Variants in SLC2A4RG observed in about 807,000 individuals in gnomAD.
The protein encoded by SLC2A4RG is GLUT4 enhancer factor.
A neutral mutation model predicts 35.5 loss-of-function variants in SLC2A4RG; 23 were observed. The observed-to-expected ratio is 0.65, with a 90% CI of 0.47 to 0.92. The LOEUF (loss-of-function observed/expected upper bound fraction) is 0.92, where lower values mean the gene tolerates loss of function less well. SLC2A4RG is among the 40% of genes least tolerant of loss of function. The pLI, the probability that SLC2A4RG is intolerant of heterozygous loss-of-function variation, is 0.00. For missense variants in SLC2A4RG, 539 were observed against 525.0 expected (o/e 1.03, Z -0.26); for synonymous variants, 306 against 243.7 (o/e 1.26, Z -2.38).
At chr20:63,740,648 A>C in intron 2 of SLC2A4RG, 117 bp downstream of exon 2, 1 of 1,032,912 alleles carries the variant, frequency 9.7e-7, no homozygotes, top group Non-Finnish European at 1.2e-6. Context: ...ATTACCAGCC[A>C]CCCCCAAGCT....
rs756065083 is a variant in SLC2A4RG, at chr20:63,743,026, T to C, written c.*36T>C. On this transcript the variant is annotated 3_prime_UTR_variant, in exon 8 of 8. Transcript: ENST00000266077. ...TTCAAGAACATAAGCTACCACCTTCTCCCTCCCCACCCCCTCCAGGCCCGG... is the reference window on the plus strand; with the variant it reads ...TTCAAGAACATAAGCTACCACCTTCCCCCTCCCCACCCCCTCCAGGCCCGG... 13 of 1,388,246 alleles carry C rather than the reference T, an allele frequency of 9.4e-6. No individual in the cohort carries two copies. The highest frequency in any genetic ancestry group is 1.2e-5 in the Non-Finnish European group (13 of 1,042,034). 86.0% of individuals were successfully genotyped at this position (1,388,246 alleles called of 1,614,324 possible). A position where few individuals can be genotyped will look rare whatever the true frequency, so the allele number is the denominator to read the frequency against.
At chr20:63,741,220 C>A in intron 2 of SLC2A4RG, 150 bp from the exon 3 acceptor site, 1 of 705,434 alleles carries the variant, frequency 1.4e-6, no homozygotes, top group South Asian at 1.8e-5. Flanking sequence ...CTCTCTGCAA[C>A]CTGAGCTGGG....
In SLC2A4RG at chr20:63,741,495, C is replaced by T. The variant is rs1278393756; in HGVS notation, c.391+16C>T. The T allele has an allele frequency of 6.2e-7, 1 of 1,607,096 alleles. No individual in the cohort carries two copies. Among genetic ancestry groups the T allele is most frequent in the Non-Finnish European group, 8.5e-7 (1 of 1,174,936 alleles). ...TTCAGCCCAGGTAAGACTCAGATGTCTGCATTTAGGGGTGTGGGTGGGGAC... is the reference window on the plus strand; with the variant it reads ...TTCAGCCCAGGTAAGACTCAGATGTTTGCATTTAGGGGTGTGGGTGGGGAC... On this transcript the variant is annotated intron_variant, in intron 3 of 7. Transcript: ENST00000266077.
Position 63,742,124 on chromosome 20 carries a change from C to G in SLC2A4RG, c.580-6C>G. On this transcript the variant is annotated splice_polypyrimidine_tract_variant and splice_region_variant and intron_variant, in intron 4 of 7. Coordinates refer to ENST00000266077, the MANE Select transcript of SLC2A4RG (RefSeq NM_020062.4). ...CTGAGCCTGACCCTGGCCCCTGTTG[C>G]TGCAGAGCCCGGCCCAGGTCATGTT... The G allele has an allele frequency of 6.2e-7, 1 of 1,603,600 alleles. No homozygotes were observed. Among genetic ancestry groups the G allele is most frequent in the Non-Finnish European group, 8.5e-7 (1 of 1,175,686 alleles).
At position 63,741,391 on chromosome 20, in the gene SLC2A4RG, G is replaced by C; in HGVS notation, c.303G>C (p.Arg101=). 1.9e-6 allele frequency: 3 copies of C among 1,613,148 alleles called. No homozygotes were observed. The highest frequency in any genetic ancestry group is 2.5e-6 in the Non-Finnish European group (3 of 1,179,938). Residue 101 remains arginine, a synonymous_variant, in exon 3 of 8, where the codon CGG becomes CGC. Coordinates refer to ENST00000266077, the MANE Select transcript of SLC2A4RG (RefSeq NM_020062.4). The stretch of plus-strand genomic sequence containing the variant: ...CCAGAGCCACCCCAGGAAAAGCCCG[G>C]CTGGACGAGGTCATGGCTGCCGCTG... ...PAQRATPGKA[R]LDEVMAAAAL... is the part of the protein sequence containing the mutation.
At chr20:63,742,648 G>A in intron 6 of SLC2A4RG, 33 bp downstream of exon 6, 2 of 1,582,074 alleles carry the variant, frequency 1.3e-6, no homozygotes, top group South Asian at 1.1e-5. Context: ...GCTGGGGCGG[G>A]TCTCAGGGCT....
In SLC2A4RG at chr20:63,743,052, G is replaced by A. The variant is rs2092052753; in HGVS notation, c.*62G>A. 1 of 1,308,018 alleles carries A rather than the reference G, an allele frequency of 7.6e-7. No individual in the cohort carries two copies. Among genetic ancestry groups the A allele is most frequent in the South Asian group, 1.4e-5 (1 of 72,980 alleles). 81.0% of individuals were successfully genotyped at this position (1,308,018 alleles called of 1,614,324 possible). On this transcript the variant is annotated 3_prime_UTR_variant, in exon 8 of 8. Coordinates refer to ENST00000266077, the MANE Select transcript of SLC2A4RG (RefSeq NM_020062.4). Reference sequence around the variant, plus strand: ...CCCTCCCCACCCCCTCCAGGCCCGGGGCTGAAACAGCCCGAGGACAGCCCC... The same window carrying A: ...CCCTCCCCACCCCCTCCAGGCCCGGAGCTGAAACAGCCCGAGGACAGCCCC...
intron 2 of SLC2A4RG, among the ~76,000 whole-genome samples, chr20:63,740,957 C>G (rs980757802): frequency 6.6e-6 from 1 of 152,184 alleles, no homozygotes; most frequent in African/African-American, 2.4e-5. Context: ...CCAGTCTCCC[C>G]CTGGCTGCTG....
At chr20:63,741,627 G>A (rs2092041876) in intron 3 of SLC2A4RG, 148 bp downstream of exon 3, 4 of 1,117,542 alleles carry the variant, frequency 3.6e-6, no homozygotes, top group Non-Finnish European at 5.0e-6. Flanking sequence ...CCCCTACTGA[G>A]GCCAAAGCGG....
chr20:63,739,792 G>C lies in SLC2A4RG; in HGVS notation c.-121G>C. 2.1e-6 allele frequency: 2 copies of C among 957,032 alleles called. No homozygotes were observed. Among genetic ancestry groups the C allele is most frequent in the Non-Finnish European group, 2.5e-6 (2 of 808,956 alleles). 59.3% of individuals were successfully genotyped at this position (957,032 alleles called of 1,614,324 possible). ...GGGCCGGGCAGCCTCCGGGCGGCGCGGCGCGGGCGGCGGCCGGATCCAGGG... is the reference window on the plus strand; with the variant it reads ...GGGCCGGGCAGCCTCCGGGCGGCGCCGCGCGGGCGGCGGCCGGATCCAGGG... On this transcript the variant is annotated 5_prime_UTR_variant, in exon 1 of 8. Transcript: ENST00000266077.
At position 63,741,479 on chromosome 20, in the gene SLC2A4RG, G is replaced by A. The variant is rs981267525; in HGVS notation, c.391G>A (p.Glu131Lys). The stretch of plus-strand genomic sequence containing the variant: ...GGCCCCGGTTGCAGCCTTCAGCCCA[G>A]GTAAGACTCAGATGTCTGCATTTAG... ...LGAPVAAFSP[E>K]PGLEPWKEAL... Residue 131 changes from glutamate (E) to lysine (K), a missense_variant and splice_region_variant, in exon 3 of 8, where the codon GAG becomes AAG. Coordinates refer to ENST00000266077, the MANE Select transcript of SLC2A4RG (RefSeq NM_020062.4). 6.2e-7 allele frequency: 1 copy of A among 1,612,580 alleles called. No homozygotes were observed. Among genetic ancestry groups the A allele is most frequent in the South Asian group, 1.1e-5 (1 of 90,982 alleles).
At position 63,742,677 on chromosome 20, in the gene SLC2A4RG, C is replaced by G. The variant is rs769490390; in HGVS notation, c.961-22C>G. The stretch of plus-strand genomic sequence containing the variant: ...CAGGGCTCTCTGGAGGGGAGTGAAG[C>G]CCTGGCTGTGTCTCCCTGTAGGGCT... On this transcript the variant is annotated intron_variant, in intron 6 of 7. Transcript: ENST00000266077. The G allele has an allele frequency of 3.1e-6, 5 of 1,596,010 alleles. No homozygotes were observed. In the South Asian group the frequency reaches 5.6e-5, roughly 18 times the overall value.
chr20:63,741,127 G>A (rs1167704752), intron 2 of SLC2A4RG: 2 of 552,536 alleles, frequency 3.6e-6, no homozygotes, highest in South Asian at 2.0e-5. Context: ...AGGAACCACA[G>A]TGGAGCCAAG....
At chr20:63,740,823 C>T (rs2092037739) in intron 2 of SLC2A4RG, among the ~76,000 whole-genome samples, 1 of 152,186 alleles carries the variant, frequency 6.6e-6, no homozygotes, top group Non-Finnish European at 1.5e-5. Flanking sequence ...GTCCAGGAAT[C>T]CCTGGGGCTC....
At chr20:63,740,295 C>T in intron 1 of SLC2A4RG, 82 bp from the exon 2 acceptor site, 1 of 964,132 alleles carries the variant, frequency 1.0e-6, no homozygotes, top group East Asian at 3.5e-5. Context: ...AGGCGGGCGC[C>T]GAGCGGATCC....
rs1226000308 is a variant in SLC2A4RG, at chr20:63,743,168, G to C, written c.*178G>C. 1.8e-6 allele frequency: 1 copy of C among 568,714 alleles called. No individual in the cohort carries two copies. The highest frequency in any genetic ancestry group is 2.2e-5 in the South Asian group (1 of 45,716). 35.2% of individuals were successfully genotyped at this position (568,714 alleles called of 1,614,324 possible). ...GAACCCTCCCCCCCGCCAGGTCGGG[G>C]AGGGGTCCCACCACTCAAAGTGCCT... On this transcript the variant is annotated 3_prime_UTR_variant, in exon 8 of 8. Coordinates refer to ENST00000266077, the MANE Select transcript of SLC2A4RG (RefSeq NM_020062.4).
chr20:63,740,508 G>A lies in SLC2A4RG; in HGVS notation c.258G>A (p.Ala86=). The part of the protein sequence containing the change: ...GAAAGPRTPS[A]HIPVPAQRAT... ...CGGCGGGGCCCCGGACTCCGTCGGC[G>A]CACATCCCCGTCCCAGCGCAGAGGT... The change falls in exon 2 of 8, where the codon GCG becomes GCA. Residue 86 remains alanine, a synonymous_variant. Transcript: ENST00000266077. 6.5e-6 allele frequency: 8 copies of A among 1,229,636 alleles called. No homozygotes were observed. Among genetic ancestry groups the A allele is most frequent in the Non-Finnish European group, 8.1e-6 (8 of 986,136 alleles). 76.2% of individuals were successfully genotyped at this position (1,229,636 alleles called of 1,614,324 possible). A position where few individuals can be genotyped will look rare whatever the true frequency, so the allele number is the denominator to read the frequency against.
At position 63,742,221 on chromosome 20, in the gene SLC2A4RG, T is replaced by A. The variant is rs746689732; in HGVS notation, c.671T>A (p.Val224Glu). 1 of 1,596,088 alleles carries A rather than the reference T, an allele frequency of 6.3e-7. No homozygotes were observed. Among genetic ancestry groups the A allele is most frequent in the Admixed American group, 1.7e-5 (1 of 57,260 alleles). Residue 224 changes from valine to glutamate, a missense_variant, in exon 5 of 8, where the codon GTG (valine) becomes GAG (glutamate). Coordinates refer to ENST00000266077, the MANE Select transcript of SLC2A4RG (RefSeq NM_020062.4). ...ASAMQRHIRL[V>E]HLGRQAEPEQ... ...GCGATGCAGAGACACATCCGCCTGG[T>A]GCACCTGGGGTGCGGCGGGGCCTGG...
intron 2 of SLC2A4RG, 143 bp downstream of exon 2, chr20:63,740,674 A>G: frequency 2.4e-6 from 2 of 842,774 alleles, no homozygotes; most frequent in Non-Finnish European, 3.2e-6. Flanking sequence ...GCCCTGGAGG[A>G]GCTGAGCAGA....
Sources: gnomAD v4.1 joint callset for allele counts (sites outside exome capture counted in the v4.1 genomes callset) on GRCh38, gnomAD v4.1.1 for gene constraint, MANE v1.5 for transcripts, NCBI Gene and HGNC (gene_info 2026-07-23, HGNC 2026-07-21) for gene names.